Variants in CTNND2 observed in about 807,000 individuals in gnomAD.
The protein encoded by CTNND2 is catenin delta 2.
Under a neutral mutation model 144.4 loss-of-function variants are expected in CTNND2, and 22 were observed. That is an observed-to-expected ratio of 0.15 (90% CI 0.11 to 0.22). The LOEUF is 0.22. CTNND2 is among the 10% of genes least tolerant of loss of function. The pLI, the probability that CTNND2 is intolerant of heterozygous loss-of-function variation, is 1.00. For synonymous variants in CTNND2, 751 were observed against 695.6 expected (o/e 1.08, Z -1.25); for missense variants, 1,353 against 1,618.8 (o/e 0.84, Z 2.82).
intron 2 of CTNND2, among the ~76,000 whole-genome samples, chr5:11,602,693 A>C (rs528582690): frequency 6.9e-6 from 1 of 145,350 alleles, no homozygotes; most frequent in Admixed American, 6.9e-5. Context: ...AATTATATAT[A>C]GTATATATTT....
intron 3 of CTNND2, among the ~76,000 whole-genome samples, chr5:11,418,772 C>T (rs984210418): frequency 4.6e-5 from 7 of 152,038 alleles, no homozygotes; most frequent in African/African-American, 1.7e-4. Context: ...TGTCCACAAA[C>T]TTTTTGAAAT....
Position 11,082,779 on chromosome 5 carries a change from C to A in CTNND2, c.2705G>T (p.Arg902Leu). ...GCACACCACACGGTCATTGTCTATT[C>A]GGAGCAGCTCCACGAGGATGGGCAG... ...KGLPILVELL[R>L]IDNDRVVCAV... Residue 902 changes from arginine (R) to leucine (L), a missense_variant, in exon 16 of 22, where the codon CGA becomes CTA. By Grantham distance (102) the Arg-to-Leu change is moderately radical. Around this residue, in one of 4 missense-constraint regions of CTNND2, gnomAD observed 459 missense variants for 674.3 expected, o/e 0.68. Coordinates refer to ENST00000304623, the MANE Select transcript of CTNND2 (RefSeq NM_001332.4). 1 of 1,614,180 alleles carries A rather than the reference C, an allele frequency of 6.2e-7. No homozygotes were observed. Among genetic ancestry groups the A allele is most frequent in the Non-Finnish European group, 8.5e-7 (1 of 1,180,028 alleles).
At chr5:11,471,110 G>A (rs938077215) in intron 3 of CTNND2, among the ~76,000 whole-genome samples, 14 of 150,204 alleles carry the variant, frequency 9.3e-5, no homozygotes, top group South Asian at 4.3e-4. Context: ...CCTGAGTAGC[G>A]GGGACTACAG....
chr5:11,469,806 T>C (rs1766998168), intron 3 of CTNND2, among the ~76,000 whole-genome samples: 1 of 152,102 alleles, frequency 6.6e-6, no homozygotes, highest in South Asian at 2.1e-4. Flanking sequence ...TCGTAGATTT[T>C]TCCCTCCTCT....
At chr5:11,506,605 T>G (rs866286131) in intron 3 of CTNND2, among the ~76,000 whole-genome samples, 3 of 152,360 alleles carry the variant, frequency 2.0e-5, no homozygotes, top group Middle Eastern at 3.4e-3. Context: ...TGTTTATTGA[T>G]TCCACTATAG....
chr5:11,392,014 G>A (rs147627674), intron 6 of CTNND2, among the ~76,000 whole-genome samples: 8 of 152,278 alleles, frequency 5.3e-5, no homozygotes, highest in East Asian at 1.9e-4. Flanking sequence ...AACCACCCTC[G>A]CTGCTTTCTC....
intron 13 of CTNND2, among the ~76,000 whole-genome samples, chr5:11,113,476 TA>T (rs1753215835): frequency 6.6e-6 from 1 of 152,174 alleles, no homozygotes; most frequent in Non-Finnish European, 1.5e-5. Context: ...ACACCGGGAA[TA>T]TTTATTCTCT....
At chr5:11,550,242 A>G (rs967319614) in intron 3 of CTNND2, among the ~76,000 whole-genome samples, 8 of 152,204 alleles carry the variant, frequency 5.3e-5, no homozygotes, top group Non-Finnish European at 1.2e-4. Context: ...GCTGAGATTC[A>G]AATCTCAAAG....
At chr5:11,276,522 T>G (rs778646249) in intron 9 of CTNND2, among the ~76,000 whole-genome samples, 1 of 152,138 alleles carries the variant, frequency 6.6e-6, no homozygotes, top group African/African-American at 2.4e-5. Flanking sequence ...CTTCTTTACC[T>G]TCACTCACTC....
intron 2 of CTNND2, among the ~76,000 whole-genome samples, chr5:11,584,325 G>A (rs1385223289): frequency 6.6e-6 from 1 of 151,528 alleles, no homozygotes; most frequent in African/African-American, 2.4e-5. Context: ...GATGCAGAAA[G>A]GCTCTAATAA....
chr5:11,708,249 T>G (rs1457339261), intron 2 of CTNND2, among the ~76,000 whole-genome samples: 1 of 152,092 alleles, frequency 6.6e-6, no homozygotes, highest in African/African-American at 2.4e-5. Context: ...GATTTATCAG[T>G]GGTAAAATGT....
At chr5:11,477,983 G>C (rs901853441) in intron 3 of CTNND2, among the ~76,000 whole-genome samples, 7 of 152,198 alleles carry the variant, frequency 4.6e-5, no homozygotes, top group Non-Finnish European at 7.3e-5. Context: ...AAGTCATCCA[G>C]CTTTGGGTGG....
chr5:11,684,418 T>C (rs1581717377), intron 2 of CTNND2, among the ~76,000 whole-genome samples: 4 of 152,264 alleles, frequency 2.6e-5, no homozygotes, highest in Admixed American at 2.6e-4. Context: ...TTATTTTTAA[T>C]AGAAGAGAAA....
At chr5:11,864,184 G>A (rs1013541566) in intron 1 of CTNND2, among the ~76,000 whole-genome samples, 1 of 152,068 alleles carries the variant, frequency 6.6e-6, no homozygotes, top group South Asian at 2.1e-4. Flanking sequence ...CTCGAGGGAC[G>A]CCACCAGCAA....
At chr5:11,169,439 CAAATTCTTGA>C (rs1445471156) in intron 11 of CTNND2, among the ~76,000 whole-genome samples, 2 of 152,248 alleles carry the variant, frequency 1.3e-5, no homozygotes, top group African/African-American at 4.8e-5. Flanking sequence ...TAGAGTCTGG[CAAATTCTTGA>C]ATATTCAGGG....
At chr5:11,398,978 G>T (rs1361040934) in intron 5 of CTNND2, among the ~76,000 whole-genome samples, 1 of 152,216 alleles carries the variant, frequency 6.6e-6, no homozygotes, top group Non-Finnish European at 1.5e-5. Context: ...GGGGCAAGTG[G>T]AGACTAACCA....
chr5:11,399,885 C>T (rs1328253473), intron 5 of CTNND2, among the ~76,000 whole-genome samples: 1 of 152,166 alleles, frequency 6.6e-6, no homozygotes, highest in Non-Finnish European at 1.5e-5. Context: ...AATGTTTTTC[C>T]ATTGCTCACT....
intron 9 of CTNND2, among the ~76,000 whole-genome samples, chr5:11,296,302 A>G (rs1230648757): frequency 6.6e-6 from 1 of 152,100 alleles, no homozygotes; most frequent in East Asian, 1.9e-4. Flanking sequence ...CACACCAGTT[A>G]GAATGGTGAT....
At chr5:11,664,729 C>T (rs1406541122) in intron 2 of CTNND2, among the ~76,000 whole-genome samples, 1 of 152,138 alleles carries the variant, frequency 6.6e-6, no homozygotes, top group Non-Finnish European at 1.5e-5. Context: ...ATTATTACCT[C>T]CAATTCATTT....
Sources: gnomAD v4.1 joint callset for allele counts (sites outside exome capture counted in the v4.1 genomes callset) on GRCh38, gnomAD v4.1.1 for gene constraint, gnomAD v4.1.1 regional missense constraint, MANE v1.5 for transcripts, NCBI Gene and HGNC (gene_info 2026-07-23, HGNC 2026-07-21) for gene names.